ABLIM1: variants seen among roughly 807,000 people sequenced by gnomAD.
ABLIM1 encodes actin-binding LIM protein 1.
A neutral mutation model predicts 107.0 loss-of-function variants in ABLIM1; 40 were observed. The observed-to-expected ratio is 0.37, with a 90% confidence interval of 0.29 to 0.49. The LOEUF is 0.49. ABLIM1 is among the 20% of genes least tolerant of loss of function. The probability of loss-of-function intolerance (pLI) is 0.97; values close to 1 mark genes in which losing one functional copy is unlikely to be tolerated. For synonymous variants in ABLIM1, 357 were observed against 357.3 expected (o/e 1.00, Z 0.01); for missense variants, 857 against 1,008.5 (o/e 0.85, Z 2.04).
At chr10:114,461,501 A>G (rs2063900691) in intron 12 of ABLIM1, among the ~76,000 whole-genome samples, 1 of 151,982 alleles carries the variant, frequency 6.6e-6, no homozygotes, top group African/African-American at 2.4e-5. Context: ...TTCCCCCAAA[A>G]TACTAATTAG....
intron 2 of ABLIM1, among the ~76,000 whole-genome samples, chr10:114,583,112 A>G (rs1013338281): frequency 2.6e-5 from 4 of 152,102 alleles, no homozygotes; most frequent in African/African-American, 7.2e-5. Flanking sequence ...CAAACTGTGC[A>G]TCCAACAAAA....
intron 1 of ABLIM1, among the ~76,000 whole-genome samples, chr10:114,693,400 G>A (rs1459359604): frequency 6.6e-6 from 1 of 152,204 alleles, no homozygotes; most frequent in African/African-American, 2.4e-5. Context: ...CAGCAAGTGA[G>A]AGAATGAGTA....
At chr10:114,704,300 C>CTATATATATATATATATA (rs1192514543) in intron 1 of ABLIM1, among the ~76,000 whole-genome samples, 1 of 28,882 alleles carries the variant, frequency 3.5e-5, no homozygotes, top group Non-Finnish European at 7.5e-5. Context: ...CTCTCTCTCT[C>CTATATATATATATATATA]TCTATATATA....
At chr10:114,545,911 A>G (rs1008389002) in intron 5 of ABLIM1, among the ~76,000 whole-genome samples, 8 of 145,132 alleles carry the variant, frequency 5.5e-5, no homozygotes, top group Non-Finnish European at 1.0e-4. Flanking sequence ...AGCCTGGGTG[A>G]CAGCACAAGA....
chr10:114,437,766 T>C, intron 22 of ABLIM1, 78 bp downstream of exon 22: 1 of 1,246,098 alleles, frequency 8.0e-7, no homozygotes, highest in Non-Finnish European at 1.2e-6. Context: ...ACTGAAGAAA[T>C]AAAACATTGC....
chr10:114,485,451 A>C, intron 8 of ABLIM1: 2 of 1,367,460 alleles, frequency 1.5e-6, no homozygotes, highest in Non-Finnish European at 2.0e-6. Context: ...TTATTTTAAA[A>C]AATAAAACAA....
intron 17 of ABLIM1, among the ~76,000 whole-genome samples, chr10:114,443,098 C>A (rs559830308): frequency 6.6e-6 from 1 of 152,062 alleles, no homozygotes; most frequent in South Asian, 2.1e-4. Context: ...TTGGTCTCCC[C>A]ACTAAATGCA....
At chr10:114,733,906 G>T in intron 1 of ABLIM1, among the ~76,000 whole-genome samples, 1 of 151,962 alleles carries the variant, frequency 6.6e-6, no homozygotes. Flanking sequence ...ACCCAGGCTG[G>T]ATAGAATACA....
At chr10:114,610,080 G>A (rs2076705741) in intron 1 of ABLIM1, among the ~76,000 whole-genome samples, 1 of 152,194 alleles carries the variant, frequency 6.6e-6, no homozygotes, top group South Asian at 2.1e-4. Context: ...CTGGGTGTAT[G>A]GCTCAGAACT....
At chr10:114,740,915 G>C (rs808331) in intron 1 of ABLIM1, among the ~76,000 whole-genome samples, 15,676 of 151,348 alleles carry the variant, frequency 0.1, 849 homozygotes, top group Middle Eastern at 0.18. Flanking sequence ...ATAGTGGTGT[G>C]CACCACTCTC....
chr10:114,768,274 G>T (rs1361593660), upstream of ABLIM1, among the ~76,000 whole-genome samples: 1 of 146,584 alleles, frequency 6.8e-6, no homozygotes, highest in Non-Finnish European at 1.5e-5. Flanking sequence ...GACCCGCCGG[G>T]CGCGGCAGCG....
intron 6 of ABLIM1, among the ~76,000 whole-genome samples, chr10:114,522,292 C>G (rs2063863049): frequency 6.6e-6 from 1 of 152,190 alleles, no homozygotes; most frequent in Non-Finnish European, 1.5e-5. Flanking sequence ...ACAAAGGAAA[C>G]CTGGCAATCC....
At chr10:114,793,145 C>A in the ABLIM1 span, among the ~76,000 whole-genome samples, 1,304 of 152,120 alleles carry the variant, frequency 8.6e-3, 12 homozygotes, top group African/African-American at 0.022. Flanking sequence ...GAGTGAGACA[C>A]CATCTCAAAA....
intron 12 of ABLIM1, among the ~76,000 whole-genome samples, chr10:114,461,678 G>T (rs1212355147): frequency 6.6e-6 from 1 of 152,056 alleles, no homozygotes; most frequent in Non-Finnish European, 1.5e-5. Flanking sequence ...AATTAGCTGG[G>T]TGTGGTGGTG....
At chr10:114,542,698 A>G (rs1383370841) in intron 6 of ABLIM1, among the ~76,000 whole-genome samples, 1 of 152,182 alleles carries the variant, frequency 6.6e-6, no homozygotes, top group Non-Finnish European at 1.5e-5. Context: ...ACAAGAGATC[A>G]AACTCAGGAA....
intron 2 of ABLIM1, among the ~76,000 whole-genome samples, chr10:114,580,778 A>G (rs1381584322): frequency 1.3e-5 from 2 of 152,200 alleles, no homozygotes; most frequent in Non-Finnish European, 2.9e-5. Context: ...CAAAACTTTC[A>G]CATCTAAATG....
At chr10:114,649,863 T>C (rs200782832) in intron 1 of ABLIM1, among the ~76,000 whole-genome samples, 1 of 11,490 alleles carries the variant, frequency 8.7e-5, no homozygotes, top group East Asian at 2.9e-3. Flanking sequence ...CTTTTTTTTC[T>C]TTTTTTTTTT....
chr10:114,501,625 C>T (rs999255614), intron 6 of ABLIM1, among the ~76,000 whole-genome samples: 2 of 152,158 alleles, frequency 1.3e-5, no homozygotes, highest in Admixed American at 1.3e-4. Context: ...CCACTATAAA[C>T]AACACCAAGT....
chr10:114,614,590 G>A (rs927165453), intron 1 of ABLIM1, among the ~76,000 whole-genome samples: 1 of 152,144 alleles, frequency 6.6e-6, no homozygotes, highest in Admixed American at 6.5e-5. Flanking sequence ...TCAGATCAAT[G>A]CCCCACTCAC....
Sources: allele counts gnomAD v4.1 joint callset (sites outside exome capture counted in the v4.1 genomes callset), GRCh38; gene constraint gnomAD v4.1.1; transcripts MANE v1.5; gene names NCBI Gene and HGNC (gene_info 2026-07-23, HGNC 2026-07-21).